Variants in FAM118A observed in about 807,000 individuals in gnomAD.
FAM118A encodes SIR2 antiphage like 2.
Under a neutral mutation model 38.2 loss-of-function variants are expected in FAM118A, and 25 were observed. That is an observed-to-expected ratio of 0.65 (90% confidence interval 0.48 to 0.91). The LOEUF (loss-of-function observed/expected upper bound fraction) is 0.91. Ranked by LOEUF, FAM118A falls within the 40% of genes least tolerant of loss-of-function variation. The pLI, the probability that FAM118A is intolerant of heterozygous loss-of-function variation, is 0.00. For synonymous variants in FAM118A, 178 were observed against 184.1 expected, an observed-to-expected ratio of 0.97 and a Z score of 0.27; for missense variants, 425 against 463.3, an observed-to-expected ratio of 0.92 and a Z score of 0.76.
At chr22:45,337,988 C>A in intron 8 of FAM118A, 1 of 791,888 alleles carries the variant, frequency 1.3e-6, no homozygotes, top group Non-Finnish European at 1.5e-6. Flanking sequence ...GCTTTTTTTC[C>A]TGGGAGTTTT....
chr22:45,333,143 C>T (rs760708602), intron 6 of FAM118A, among the ~76,000 whole-genome samples: 1 of 152,094 alleles, frequency 6.6e-6, no homozygotes, highest in African/African-American at 2.4e-5. Context: ...CACCAGTCTT[C>T]GTTATTATTT....
intron 3 of FAM118A, among the ~76,000 whole-genome samples, chr22:45,324,779 G>A (rs932478880): frequency 6.6e-6 from 1 of 152,208 alleles, no homozygotes; most frequent in African/African-American, 2.4e-5. Context: ...GGGCGCGGTG[G>A]CTCACGCCTG....
At chr22:45,333,574 T>C (rs1184845107) in intron 6 of FAM118A, among the ~76,000 whole-genome samples, 1 of 149,776 alleles carries the variant, frequency 6.7e-6, no homozygotes, top group Non-Finnish European at 1.5e-5. Flanking sequence ...CTCAGGAGGC[T>C]GAGGCAGGAG....
chr22:45,328,773 G>T, intron 4 of FAM118A: 4 of 320,242 alleles, frequency 1.2e-5, no homozygotes, highest in East Asian at 5.1e-5. Context: ...GTGAGACCCT[G>T]TCTCAAAAAA....
At chr22:45,335,908 T>C (rs1164875308) in intron 7 of FAM118A, among the ~76,000 whole-genome samples, 2 of 152,252 alleles carry the variant, frequency 1.3e-5, no homozygotes, top group African/African-American at 4.8e-5. Context: ...GTGCCTCCCC[T>C]TGCCGAATCA....
intron 8 of FAM118A, 35 bp downstream of exon 8, chr22:45,336,446 C>T (rs747273915): frequency 7.0e-6 from 11 of 1,567,566 alleles, no homozygotes; most frequent in Non-Finnish European, 9.7e-6. Flanking sequence ...GGAGCTGCCT[C>T]GGGTCTCTCT....
intron 1 of FAM118A, among the ~76,000 whole-genome samples, chr22:45,313,328 T>G (rs1173763210): frequency 6.6e-6 from 1 of 150,490 alleles, no homozygotes; most frequent in Admixed American, 6.6e-5. Context: ...GGTTTTTTTT[T>G]TTTTTTTTTT....
At chr22:45,329,446 T>A (rs1182319324) in intron 4 of FAM118A, 3 of 152,226 alleles carry the variant, frequency 2.0e-5, no homozygotes, top group Non-Finnish European at 2.9e-5. Flanking sequence ...TTTTCAACAT[T>A]GATTTCTTGT....
intron 3 of FAM118A, among the ~76,000 whole-genome samples, chr22:45,326,439 G>C (rs1201424765): frequency 6.6e-6 from 1 of 152,186 alleles, no homozygotes; most frequent in South Asian, 2.1e-4. Context: ...TGTAATCCCA[G>C]CACTTTGGGA....
intron 8 of FAM118A, among the ~76,000 whole-genome samples, chr22:45,339,750 G>A (rs2086351883): frequency 6.6e-6 from 1 of 152,234 alleles, no homozygotes; most frequent in Non-Finnish European, 1.5e-5. Context: ...TGTTGCTGCT[G>A]TTGTGTGTAC....
chr22:45,319,281 G>A (rs1175761510), intron 1 of FAM118A, among the ~76,000 whole-genome samples: 2 of 152,118 alleles, frequency 1.3e-5, no homozygotes, highest in Non-Finnish European at 1.5e-5. Flanking sequence ...GTGTACAGAC[G>A]GCTGAACTAA....
chr22:45,336,278 G>C (rs2294200), intron 7 of FAM118A, 50 bp from the exon 8 acceptor site: 1 of 1,476,740 alleles, frequency 6.8e-7, no homozygotes, highest in Admixed American at 1.7e-5. Context: ...CTGTGCCTTG[G>C]CGAGTGGATT....
rs1007324017 is a variant in FAM118A at position 45,323,443 on chromosome 22, G to A, written c.300+16G>A. ...GATGTCACCTGTAAGTGTCAGACAA[G>A]TACCTCTTGGGGACAGCTTGGTTCT... On this transcript the variant is annotated intron_variant, in intron 3 of 8. Transcript: ENST00000441876. The A allele has an allele frequency of 1.2e-6, 2 of 1,608,892 alleles. No homozygotes were observed. The highest frequency in any genetic ancestry group is 1.3e-5 in the African/African-American group (1 of 74,850).
chr22:45,338,523 G>A (rs574763677), intron 8 of FAM118A, among the ~76,000 whole-genome samples: 9 of 152,166 alleles, frequency 5.9e-5, no homozygotes, highest in Non-Finnish European at 8.8e-5. Context: ...CACTGCGCCC[G>A]GCCAAGCTCT....
rs1277008487 is a variant in FAM118A, at chr22:45,332,832, C to T, written c.937+122C>T. The T allele has an allele frequency of 3.1e-5, 32 of 1,035,272 alleles. No homozygotes were observed. The East Asian group carries it at 4.3e-4, about 14-fold the overall frequency. 64.1% of individuals were successfully genotyped at this position (1,035,272 alleles called of 1,614,324 possible). On this transcript the variant is annotated intron_variant, in intron 6 of 8. Coordinates refer to ENST00000441876, the MANE Select transcript of FAM118A (RefSeq NM_017911.4). ...CACCATCTTGGCTCACCACAACCTC[C>T]GCCTCCTAGGTTCAAGGGATTCTGC...
chr22:45,333,456 C>G (rs376593146), intron 6 of FAM118A, among the ~76,000 whole-genome samples: 31 of 151,964 alleles, frequency 2.0e-4, no homozygotes, highest in African/African-American at 7.5e-4. Context: ...GGGTGGATCA[C>G]GAGGTCAGGA....
At chr22:45,315,579 A>G (rs1355233451) in intron 1 of FAM118A, among the ~76,000 whole-genome samples, 2 of 152,174 alleles carry the variant, frequency 1.3e-5, no homozygotes, top group Non-Finnish European at 2.9e-5. Context: ...GGTGATGTGC[A>G]TGTTGGGATC....
chr22:45,333,254 C>T (rs563867195), intron 6 of FAM118A, among the ~76,000 whole-genome samples: 10 of 152,068 alleles, frequency 6.6e-5, no homozygotes, highest in South Asian at 2.1e-4. Context: ...GGCTGGGCAC[C>T]GTGGCTCACG....
At chr22:45,314,979 G>A (rs1364772426) in intron 1 of FAM118A, among the ~76,000 whole-genome samples, 1 of 152,242 alleles carries the variant, frequency 6.6e-6, no homozygotes, top group African/African-American at 2.4e-5. Flanking sequence ...CAGGCTGTGG[G>A]TCATAGGAGT....
Sources: gnomAD v4.1 joint callset for allele counts (sites outside exome capture counted in the v4.1 genomes callset) on GRCh38, gnomAD v4.1.1 for gene constraint, MANE v1.5 for transcripts, NCBI Gene and HGNC (gene_info 2026-07-23, HGNC 2026-07-21) for gene names.